The following SYT17 variants were observed in gnomAD, a reference collection of about 807,000 sequenced individuals.
The protein encoded by SYT17 is synaptotagmin 17.
Under a neutral mutation model 46.7 loss-of-function variants are expected in SYT17, and 22 were observed. The observed-to-expected ratio is 0.47, with a 90% CI of 0.34 to 0.67. The LOEUF is 0.67. SYT17 is among the 30% of genes least tolerant of loss of function. SYT17 has a pLI of 0.01. For missense variants in SYT17, 519 were observed against 612.8 expected (o/e 0.85, Z 1.62); for synonymous variants, 251 against 248.4 (o/e 1.01, Z -0.10).
chr16:19,213,339 A>G (rs1417225279), intron 5 of SYT17, among the ~76,000 whole-genome samples: 1 of 152,146 alleles, frequency 6.6e-6, no homozygotes, highest in Non-Finnish European at 1.5e-5. Context: ...GCTAACTTGG[A>G]AAGTGCGGGA....
intron 5 of SYT17, among the ~76,000 whole-genome samples, chr16:19,193,402 T>C (rs1317481938): frequency 6.6e-6 from 1 of 152,260 alleles, no homozygotes; most frequent in Non-Finnish European, 1.5e-5. Context: ...TCAAAAGTGA[T>C]ATTTGCACAC....
chr16:19,188,689 G>C (rs1964887839), intron 5 of SYT17, among the ~76,000 whole-genome samples: 1 of 152,092 alleles, frequency 6.6e-6, no homozygotes, highest in Non-Finnish European at 1.5e-5. Flanking sequence ...TTGTCTCACA[G>C]GCCTGGAGGC....
chr16:19,207,620 A>G (rs961318122), intron 5 of SYT17, among the ~76,000 whole-genome samples: 2 of 152,180 alleles, frequency 1.3e-5, no homozygotes, highest in Admixed American at 6.5e-5. Context: ...ATCCACCTCC[A>G]TGGTCCAATC....
At chr16:19,256,932 A>T (rs1193867640) in intron 7 of SYT17, among the ~76,000 whole-genome samples, 1 of 152,086 alleles carries the variant, frequency 6.6e-6, no homozygotes, top group Non-Finnish European at 1.5e-5. Context: ...TTCAATTTCT[A>T]CTATGCCTCG....
chr16:19,177,574 T>C (rs1039909519), intron 3 of SYT17, among the ~76,000 whole-genome samples: 2 of 152,224 alleles, frequency 1.3e-5, no homozygotes, highest in African/African-American at 4.8e-5. Flanking sequence ...TTTGCAGTGC[T>C]GTTCCTACTG....
rs576342786 is a variant in SYT17, at chr16:19,168,472, G to T, written c.-175G>T. On this transcript the variant is annotated 5_prime_UTR_variant, in exon 1 of 8. Coordinates refer to ENST00000355377, the MANE Select transcript of SYT17 (RefSeq NM_016524.4). The surrounding 1 kb of genome is among the most constrained non-coding windows in gnomAD (Gnocchi z 6.9). The stretch of plus-strand genomic sequence containing the variant: ...CCGGAACGCAGGGAAAGGCAAGGAC[G>T]GGGCGGCCGGCGGAGGGGCGGGCGC... 6.0e-6 allele frequency: 5 copies of T among 832,586 alleles called. No homozygotes were observed. The highest frequency in any genetic ancestry group is 3.2e-4 in the Middle Eastern group (1 of 3,120). The allele number at this position is 832,586 out of a possible 1,614,324, so 51.6% of individuals were successfully genotyped here.
chr16:19,168,506 A>T lies in SYT17; in HGVS notation c.-141A>T. 1 of 1,206,536 alleles carries T rather than the reference A, an allele frequency of 8.3e-7. No individual in the cohort carries two copies. Among genetic ancestry groups the T allele is most frequent in the Non-Finnish European group, 1.2e-6 (1 of 867,450 alleles). 74.7% of individuals were successfully genotyped at this position (1,206,536 alleles called of 1,614,324 possible). The stretch of plus-strand genomic sequence containing the variant: ...GGCGGAGGGGCGGGCGCCGCTCATC[A>T]GCCACGCCAGTCACGTCTGGGGCCA... On this transcript the variant is annotated 5_prime_UTR_variant, in exon 1 of 8. Coordinates refer to ENST00000355377, the MANE Select transcript of SYT17 (RefSeq NM_016524.4). The surrounding 1 kb of genome is among the most constrained non-coding windows in gnomAD (Gnocchi z 6.9).
At chr16:19,256,312 C>A (rs1156415888) in intron 7 of SYT17, among the ~76,000 whole-genome samples, 1 of 151,932 alleles carries the variant, frequency 6.6e-6, no homozygotes, top group Non-Finnish European at 1.5e-5. Context: ...ATGCTGGACC[C>A]TAGAGAGATG....
intron 5 of SYT17, among the ~76,000 whole-genome samples, chr16:19,213,789 C>G (rs3815043): frequency 0.35 from 53,611 of 151,968 alleles, 9,588 homozygotes; most frequent in Middle Eastern, 0.41. Context: ...CTCAGCCTCC[C>G]GAGTAGTTGG....
At chr16:19,204,810 CTT>C in intron 5 of SYT17, among the ~76,000 whole-genome samples, 1 of 152,126 alleles carries the variant, frequency 6.6e-6, no homozygotes, top group South Asian at 2.1e-4. Context: ...AAACACTGAA[CTT>C]AGTTTGCCGC....
At chr16:19,190,032 A>T (rs1427214091) in intron 5 of SYT17, among the ~76,000 whole-genome samples, 1 of 152,224 alleles carries the variant, frequency 6.6e-6, no homozygotes, top group Non-Finnish European at 1.5e-5. Flanking sequence ...TGGCTGGAAG[A>T]TAATGAAAAT....
intron 5 of SYT17, among the ~76,000 whole-genome samples, chr16:19,214,391 G>A (rs1290963751): frequency 1.3e-5 from 2 of 152,070 alleles, no homozygotes; most frequent in African/African-American, 4.8e-5. Context: ...CTGGAGTGCA[G>A]TGGCACCACC....
chr16:19,211,565 G>A (rs1965902075), intron 5 of SYT17: 2 of 667,992 alleles, frequency 3.0e-6, no homozygotes, highest in Non-Finnish European at 5.5e-6. Context: ...GGAGGTGACT[G>A]TTGAGTTGAG....
At chr16:19,208,173 G>T (rs1256047608) in intron 5 of SYT17, among the ~76,000 whole-genome samples, 1 of 152,192 alleles carries the variant, frequency 6.6e-6, no homozygotes, top group Non-Finnish European at 1.5e-5. Context: ...GGATTAAAAG[G>T]CAAGCCACAG....
chr16:19,221,186 CAAA>C (rs575577083), intron 5 of SYT17, among the ~76,000 whole-genome samples: 5 of 62,924 alleles, frequency 7.9e-5, no homozygotes, highest in Admixed American at 1.9e-4. Flanking sequence ...GACCTTGTCT[CAAA>C]AAAAAAAAAA....
chr16:19,237,342 G>T (rs1376552446), intron 7 of SYT17, among the ~76,000 whole-genome samples: 2 of 152,142 alleles, frequency 1.3e-5, no homozygotes, highest in African/African-American at 2.4e-5. Flanking sequence ...CACCTGTGCT[G>T]GTCTGAGACC....
chr16:19,251,909 G>A lies in SYT17; in HGVS notation c.1229-14971G>A, dbSNP rs569669152. Among the ~76,000 whole-genome samples the A allele has an allele frequency of 5.3e-5, 8 of 152,160 alleles. No homozygotes were observed. In the South Asian group the frequency reaches 1.5e-3, roughly 28 times the overall value. Reference sequence around the variant, plus strand: ...CTATTGATCTTTAAGGGATGTTACCGCTGTTCAAAACATGTTTGAGCTGAG... The same window carrying A: ...CTATTGATCTTTAAGGGATGTTACCACTGTTCAAAACATGTTTGAGCTGAG... On this transcript the variant is annotated intron_variant, in intron 7 of 7. Transcript: ENST00000355377.
chr16:19,231,571 C>A (rs1454899808), intron 7 of SYT17, among the ~76,000 whole-genome samples: 1 of 141,924 alleles, frequency 7.0e-6, no homozygotes, highest in Admixed American at 7.3e-5. Flanking sequence ...AAGTCTTATT[C>A]CCTTGGCAAA....
chr16:19,267,350 C>A lies in SYT17; in HGVS notation c.*274C>A. The A allele has an allele frequency of 3.1e-6, 1 of 323,522 alleles. No individual in the cohort carries two copies. Among genetic ancestry groups the A allele is most frequent in the Admixed American group, 4.6e-5 (1 of 21,696 alleles). 20.0% of individuals were successfully genotyped at this position (323,522 alleles called of 1,614,324 possible). A position where few individuals can be genotyped will look rare whatever the true frequency, so the allele number is the denominator to read the frequency against. ...AAGCTCAGTGGGCTCTGCCGTGGGA[C>A]TTATTGGCAGTGCCTGCTCTTGTCA... On this transcript the variant is annotated 3_prime_UTR_variant, in exon 8 of 8. Transcript: ENST00000355377.
Sources: gnomAD v4.1 joint callset for allele counts (sites outside exome capture counted in the v4.1 genomes callset) on GRCh38, gnomAD v4.1.1 for gene constraint, Gnocchi (gnomAD v3.1) non-coding constraint, MANE v1.5 for transcripts, NCBI Gene and HGNC (gene_info 2026-07-23, HGNC 2026-07-21) for gene names.